The following CNGB3 variants were observed in gnomAD, a reference collection of about 807,000 sequenced individuals.
CNGB3 encodes the protein cyclic nucleotide-gated channel beta-3.
Under a neutral mutation model 92.8 loss-of-function variants are expected in CNGB3, and 86 were observed. The ratio of observed to expected loss-of-function variants is 0.93; its 90% CI spans 0.78 to 1.11. The LOEUF is 1.11. Ranked by LOEUF, CNGB3 falls within the 50% of genes least tolerant of loss-of-function variation. The probability of loss-of-function intolerance (pLI) is 0.00; values close to 1 mark genes in which losing one functional copy is unlikely to be tolerated. For missense variants in CNGB3, 1,026 were observed against 956.8 expected (o/e 1.07, Z -0.95); for synonymous variants, 333 against 332.7 (o/e 1.00, Z -0.01).
At chr8:86,678,617 T>C (rs570548912) in intron 3 of CNGB3, among the ~76,000 whole-genome samples, 1 of 152,324 alleles carries the variant, frequency 6.6e-6, no homozygotes, top group African/African-American at 2.4e-5. Flanking sequence ...AGAGCATTTC[T>C]TTAGTTAATC....
intron 3 of CNGB3, among the ~76,000 whole-genome samples, chr8:86,709,199 G>A (rs1824705516): frequency 6.6e-6 from 1 of 152,140 alleles, no homozygotes; most frequent in Non-Finnish European, 1.5e-5. Context: ...TTAGATGCAA[G>A]TTTGTTTGGT....
chr8:86,621,366 A>T (rs1822723186), intron 13 of CNGB3, among the ~76,000 whole-genome samples: 1 of 152,240 alleles, frequency 6.6e-6, no homozygotes, highest in Non-Finnish European at 1.5e-5. Context: ...ACACATAAAT[A>T]TGTATATGTG....
At chr8:86,725,009 G>A (rs909369875) in intron 3 of CNGB3, among the ~76,000 whole-genome samples, 1 of 152,004 alleles carries the variant, frequency 6.6e-6, no homozygotes, top group Non-Finnish European at 1.5e-5. Flanking sequence ...TTGACCCCTG[G>A]GTAATTGAAA....
Position 86,604,225 on chromosome 8 carries a change from A to G in CNGB3, c.1663-14T>C, listed in dbSNP as rs771828497. ...GCCAATTTCTCCCTACATTTTAAAT[A>G]TAAAGAGGAAATGGTAGTTACTTTA... On this transcript the variant is annotated splice_polypyrimidine_tract_variant and intron_variant, in intron 14 of 17. Transcript: ENST00000320005. The G allele has an allele frequency of 6.7e-7, 1 of 1,498,660 alleles. No homozygotes were observed. The highest frequency in any genetic ancestry group is 9.3e-7 in the Non-Finnish European group (1 of 1,075,124). 92.8% of individuals were successfully genotyped at this position (1,498,660 alleles called of 1,614,324 possible).
intron 15 of CNGB3, among the ~76,000 whole-genome samples, chr8:86,585,195 T>C (rs1585947760): frequency 6.6e-6 from 1 of 152,124 alleles, no homozygotes; most frequent in African/African-American, 2.4e-5. Flanking sequence ...AACTTGTATA[T>C]GCAAAACTCA....
chr8:86,654,022 G>C lies in CNGB3; in HGVS notation c.893C>G (p.Thr298Arg), dbSNP rs766113410. Reference protein sequence around the residue: ...NELRKHYRTSTKFQLDVASII... With the variant: ...NELRKHYRTSRKFQLDVASII... ...TTGTTTGTCACCTACCTGAAATTTT[G>C]TAGAAGTCCTGTAGTGTTTCCTTAG... Residue 298 changes from threonine to arginine, a missense_variant, in exon 7 of 18, where the codon ACA (threonine) becomes AGA (arginine). Coordinates refer to ENST00000320005, the MANE Select transcript of CNGB3 (RefSeq NM_019098.5). 8.1e-6 allele frequency: 13 copies of C among 1,599,690 alleles called. No homozygotes were observed. The South Asian group carries it at 1.4e-4, about 18-fold the overall frequency.
intron 15 of CNGB3, among the ~76,000 whole-genome samples, chr8:86,581,885 C>T (rs79471581): frequency 0.014 from 2,090 of 152,216 alleles, 46 homozygotes; most frequent in African/African-American, 0.047. Context: ...CTGGCACCAA[C>T]AGCTATACCA....
rs1823052356 is a variant in CNGB3, at chr8:86,635,820, TGATATATATATATATATATATA to T, written c.1179-2949_1179-2928del. On this transcript the variant is annotated intron_variant, in intron 10 of 17. Coordinates refer to ENST00000320005, the MANE Select transcript of CNGB3 (RefSeq NM_019098.5). ...TACAATGCATCAACTGTATAACACA[TGATATATATATATATATATATA>T]TATATATATATATATATATATACAC... Among the ~76,000 whole-genome samples, 4 of 62,142 alleles carry T rather than the reference TGATATATATATATATATATATA, an allele frequency of 6.4e-5. No homozygotes were observed. The Middle Eastern group carries it at 0.042, about 647-fold the overall frequency. The allele number at this position is 62,142 out of a possible 152,430, so 40.8% of individuals were successfully genotyped here.
At chr8:86,648,439 C>T (rs184343378) in intron 7 of CNGB3, among the ~76,000 whole-genome samples, 141 of 151,280 alleles carry the variant, frequency 9.3e-4, no homozygotes, top group African/African-American at 3.2e-3. Context: ...AGAGCCTGTG[C>T]AGGCTGAGAG....
rs1821645749 is a variant in CNGB3, at chr8:86,575,811, T to G, written c.2423A>C (p.Lys808Thr). The part of the protein sequence containing the change: ...VLTIEVKEKA[K>T]Q ...CTAAAGATAATCAAACATTTATTGC[T>G]TAGCCTTTTCTTTGACTTCAATAGT... Residue 808 changes from lysine (K) to threonine (T), a missense_variant, in exon 18 of 18, where the codon AAG (lysine) becomes ACG (threonine). By Grantham distance (78) the Lys-to-Thr change is moderately conservative. Transcript: ENST00000320005. The G allele has an allele frequency of 1.9e-6, 3 of 1,613,602 alleles. No individual in the cohort carries two copies. The highest frequency in any genetic ancestry group is 1.7e-6 in the Non-Finnish European group (2 of 1,179,574).
chr8:86,713,094 T>C (rs1824781298), intron 3 of CNGB3, among the ~76,000 whole-genome samples: 1 of 152,232 alleles, frequency 6.6e-6, no homozygotes, highest in African/African-American at 2.4e-5. Context: ...CCAATTTCCC[T>C]TTGATTTATG....
intron 3 of CNGB3, among the ~76,000 whole-genome samples, chr8:86,705,253 T>C (rs1824631721): frequency 6.6e-6 from 1 of 152,124 alleles, no homozygotes; most frequent in Non-Finnish European, 1.5e-5. Flanking sequence ...GTCTTGGAAG[T>C]TTTCATTTTC....
chr8:86,648,018 C>A, intron 7 of CNGB3, 131 bp from the exon 8 acceptor site: 1 of 719,004 alleles, frequency 1.4e-6, no homozygotes, highest in South Asian at 1.5e-5. Context: ...AAACTGCTTT[C>A]AATTAACTAT....
intron 3 of CNGB3, among the ~76,000 whole-genome samples, chr8:86,711,845 A>G (rs1003556430): frequency 6.7e-6 from 1 of 150,290 alleles, no homozygotes; most frequent in African/African-American, 2.4e-5. Context: ...CTATATATAT[A>G]TATATATGAC....
At chr8:86,675,421 T>C (rs2131622758) in intron 3 of CNGB3, among the ~76,000 whole-genome samples, 1 of 152,226 alleles carries the variant, frequency 6.6e-6, no homozygotes, top group South Asian at 2.1e-4. Context: ...ATTGGATAGT[T>C]GTCTTCCTAT....
At position 86,666,925 on chromosome 8, in the gene CNGB3, T is replaced by C. The variant is rs1306368879; in HGVS notation, c.852A>G (p.Ile284Met). 6.2e-7 allele frequency: 1 copy of C among 1,611,184 alleles called. No individual in the cohort carries two copies. The highest frequency in any genetic ancestry group is 8.5e-7 in the Non-Finnish European group (1 of 1,178,990). ...RLQFVRGGDI[I>M]VDSNELRKHY... Reference sequence around the variant, plus strand: ...TCTGCCTTTCCCGAACCCCACTTACTATTATGTCTCCTCCTCTTACAAACT... The same window carrying C: ...TCTGCCTTTCCCGAACCCCACTTACCATTATGTCTCCTCCTCTTACAAACT... Residue 284 changes from isoleucine (I) to methionine (M), a missense_variant and splice_region_variant, in exon 6 of 18, where the codon ATA becomes ATG. Physicochemically the swap from Ile to Met is conservative, Grantham distance 10. Transcript: ENST00000320005.
At chr8:86,681,155 A>G (rs1824076655) in intron 3 of CNGB3, among the ~76,000 whole-genome samples, 1 of 152,196 alleles carries the variant, frequency 6.6e-6, no homozygotes, top group Non-Finnish European at 1.5e-5. Flanking sequence ...AAGAAACAGA[A>G]TAACAAAGCT....
In CNGB3 at chr8:86,575,935, G is replaced by T; in HGVS notation, c.2299C>A (p.Pro767Thr). 6.2e-7 allele frequency: 1 copy of T among 1,613,982 alleles called. No homozygotes were observed. Among genetic ancestry groups the T allele is most frequent in the Non-Finnish European group, 8.5e-7 (1 of 1,179,968 alleles). Reference protein sequence around the residue: ...TASPIAVEEEPHSVRRTVLPR... With the variant: ...TASPIAVEEETHSVRRTVLPR... ...AAAACTGTCCTTCTAACTGAGTGGGGTTCTTCCTCCACTGCAATAGGACTT... is the reference window on the plus strand; with the variant it reads ...AAAACTGTCCTTCTAACTGAGTGGGTTTCTTCCTCCACTGCAATAGGACTT... Residue 767 changes from proline (P) to threonine (T), a missense_variant, in exon 18 of 18, where the codon CCC (proline) becomes ACC (threonine). Transcript: ENST00000320005.
rs896274861 is a variant in CNGB3, at chr8:86,651,331, T to C, written c.903+2681A>G. 2.0e-5 allele frequency among the ~76,000 whole-genome samples: 3 copies of C among 151,918 alleles called. No homozygotes were observed. In the East Asian group the frequency reaches 5.8e-4, roughly 29 times the overall value. On this transcript the variant is annotated intron_variant, in intron 7 of 17. Coordinates refer to ENST00000320005, the MANE Select transcript of CNGB3 (RefSeq NM_019098.5). ...TTGAGATAATTAATTGCCTAACAAT[T>C]TCAAAGCCTGCCGATATTGAACAAG... is the stretch of plus-strand genomic sequence containing the variant.
Sources: allele counts gnomAD v4.1 joint callset (sites outside exome capture counted in the v4.1 genomes callset), GRCh38; gene constraint gnomAD v4.1.1; transcripts MANE v1.5; gene names NCBI Gene and HGNC (gene_info 2026-07-23, HGNC 2026-07-21).